The following GBE1 variants were observed in gnomAD, a reference collection of about 807,000 sequenced individuals.
GBE1 encodes the protein 1,4-alpha-glucan branching enzyme 1, also known as 1,4-alpha-glucan-branching enzyme.
Under a neutral mutation model 88.8 loss-of-function variants are expected in GBE1, and 70 were observed. The ratio of observed to expected loss-of-function variants is 0.79; its 90% CI spans 0.65 to 0.96. The LOEUF (loss-of-function observed/expected upper bound fraction) is 0.96. GBE1 is among the 40% of genes least tolerant of loss of function. The pLI is 0.00. For synonymous variants in GBE1, 284 were observed against 300.1 expected, an observed-to-expected ratio of 0.95 and a Z score of 0.56; for missense variants, 872 against 871.0, an observed-to-expected ratio of 1.00 and a Z score of -0.01.
chr3:81,692,633 C>CT (rs1705538310), intron 2 of GBE1, among the ~76,000 whole-genome samples: 1 of 152,124 alleles, frequency 6.6e-6, no homozygotes, highest in Admixed American at 6.6e-5. Context: ...GTTTCAGAAA[C>CT]TTTCTTTATA....
At chr3:81,631,877 A>T (rs1704517804) in intron 7 of GBE1, among the ~76,000 whole-genome samples, 1 of 152,142 alleles carries the variant, frequency 6.6e-6, no homozygotes, top group South Asian at 2.1e-4. Flanking sequence ...ACAGATATAC[A>T]TGTGCCGTGG....
chr3:81,734,423 CT>C (rs1282945113), intron 1 of GBE1, among the ~76,000 whole-genome samples: 4 of 152,054 alleles, frequency 2.6e-5, no homozygotes, highest in African/African-American at 9.7e-5. Context: ...GGAAAAAAAC[CT>C]ATAGACTCAA....
At chr3:81,748,357 A>G (rs1216281747) in intron 1 of GBE1, among the ~76,000 whole-genome samples, 1 of 152,080 alleles carries the variant, frequency 6.6e-6, no homozygotes, top group Non-Finnish European at 1.5e-5. Flanking sequence ...CACGCCTATA[A>G]TTACAGCACT....
chr3:81,753,907 GTGA>G (rs937720790), intron 1 of GBE1, among the ~76,000 whole-genome samples: 1 of 152,192 alleles, frequency 6.6e-6, no homozygotes, highest in African/African-American at 2.4e-5. Context: ...CCATTCCACT[GTGA>G]TATAAAACTT....
chr3:81,685,976 A>C (rs1705432423), intron 2 of GBE1, among the ~76,000 whole-genome samples: 1 of 152,146 alleles, frequency 6.6e-6, no homozygotes, highest in Admixed American at 6.5e-5. Flanking sequence ...GAAAATTTCG[A>C]GTCCCAACAG....
intron 1 of GBE1, among the ~76,000 whole-genome samples, chr3:81,756,896 T>C (rs1198095571): frequency 6.6e-6 from 1 of 152,166 alleles, no homozygotes; most frequent in Non-Finnish European, 1.5e-5. Flanking sequence ...TTCTCTTTCA[T>C]GGGGTAGAGA....
intron 14 of GBE1, among the ~76,000 whole-genome samples, chr3:81,529,640 C>A (rs2106861122): frequency 6.6e-6 from 1 of 152,204 alleles, no homozygotes; most frequent in South Asian, 2.1e-4. Flanking sequence ...ATGCCACTCT[C>A]TCCTGGCCTG....
At chr3:81,755,432 T>C (rs537804598) in intron 1 of GBE1, among the ~76,000 whole-genome samples, 1 of 152,184 alleles carries the variant, frequency 6.6e-6, no homozygotes, top group East Asian at 1.9e-4. Context: ...AATAAGTTAA[T>C]ATATGACTAT....
At chr3:81,599,097 T>C (rs1444271481) in intron 7 of GBE1, among the ~76,000 whole-genome samples, 1 of 152,204 alleles carries the variant, frequency 6.6e-6, no homozygotes, top group Non-Finnish European at 1.5e-5. Flanking sequence ...AGGTATTCTC[T>C]AGGAAATAAG....
intron 2 of GBE1, among the ~76,000 whole-genome samples, chr3:81,679,430 A>G (rs1267206473): frequency 6.6e-6 from 1 of 152,194 alleles, no homozygotes; most frequent in African/African-American, 2.4e-5. Flanking sequence ...GCCTTGATCA[A>G]TCAGGGTTCA....
chr3:81,579,797 C>T (rs1703696243), intron 11 of GBE1, among the ~76,000 whole-genome samples: 1 of 152,032 alleles, frequency 6.6e-6, no homozygotes, highest in Admixed American at 6.6e-5. Flanking sequence ...AGCACAGCCC[C>T]AATTTGGAAG....
chr3:81,510,431 A>G (rs1702709617), intron 14 of GBE1, among the ~76,000 whole-genome samples: 1 of 152,116 alleles, frequency 6.6e-6, no homozygotes, highest in Non-Finnish European at 1.5e-5. Flanking sequence ...TCAGTGCTTT[A>G]GAAAGCCGAA....
intron 8 of GBE1, among the ~76,000 whole-genome samples, chr3:81,591,529 A>T (rs1703877062): frequency 6.6e-6 from 1 of 152,156 alleles, no homozygotes; most frequent in Admixed American, 6.6e-5. Flanking sequence ...GTTAGTTTGT[A>T]TTAGATCCCT....
At chr3:81,731,366 C>T (rs1230113331) in intron 1 of GBE1, among the ~76,000 whole-genome samples, 1 of 152,140 alleles carries the variant, frequency 6.6e-6, no homozygotes, top group Non-Finnish European at 1.5e-5. Flanking sequence ...GTGAATGGCT[C>T]CTTCTTTTAT....
At chr3:81,679,002 G>A (rs149368138) in intron 2 of GBE1, among the ~76,000 whole-genome samples, 39 of 152,194 alleles carry the variant, frequency 2.6e-4, no homozygotes, top group Admixed American at 1.2e-3. Context: ...ATTGCCTGAA[G>A]TTTGGTTTAA....
intron 14 of GBE1, among the ~76,000 whole-genome samples, chr3:81,511,813 C>T (rs557342041): frequency 4.6e-5 from 7 of 151,284 alleles, no homozygotes; most frequent in Non-Finnish European, 1.0e-4. Context: ...TACCATTCAA[C>T]CCAACAATCT....
chr3:81,607,779 T>C (rs80341289), intron 7 of GBE1, among the ~76,000 whole-genome samples: 2 of 152,328 alleles, frequency 1.3e-5, no homozygotes, highest in East Asian at 3.9e-4. Context: ...ATGCAATTGG[T>C]AACAATTTAA....
chr3:81,677,950 A>G lies in GBE1; in HGVS notation c.314-6997T>C, dbSNP rs535817458. On this transcript the variant is annotated intron_variant, in intron 2 of 15. Transcript: ENST00000429644. ...ATGGAATACTAATACCTCATTATTT[A>G]AACAAACATAGTGCTCAATCATGTA... Among the ~76,000 whole-genome samples the G allele has an allele frequency of 2.6e-5, 4 of 152,326 alleles. No homozygotes were observed. In the East Asian group the frequency reaches 7.7e-4, roughly 29 times the overall value.
chr3:81,616,155 A>AT (rs1317291683), intron 7 of GBE1, among the ~76,000 whole-genome samples: 2 of 152,046 alleles, frequency 1.3e-5, no homozygotes, highest in Non-Finnish European at 2.9e-5. Flanking sequence ...CTTTGCAAAC[A>AT]TTTTCTCTGA....
Sources: allele counts gnomAD v4.1 joint callset (sites outside exome capture counted in the v4.1 genomes callset), GRCh38; gene constraint gnomAD v4.1.1; transcripts MANE v1.5; gene names NCBI Gene and HGNC (gene_info 2026-07-23, HGNC 2026-07-21).